The following VPS13C variants were observed in gnomAD, a reference collection of about 807,000 sequenced individuals.
VPS13C encodes the protein vacuolar protein sorting 13 homolog C.
VPS13C carries 358 observed loss-of-function variants against 456.8 expected under a neutral mutation model. That is an observed-to-expected ratio of 0.78 (90% CI 0.72 to 0.86). The LOEUF is 0.86. Among genes scored for constraint, VPS13C ranks in the 40% least tolerant of loss-of-function variants. VPS13C has a pLI of 0.00. For missense variants in VPS13C, 4,818 were observed against 4,385.4 expected (o/e 1.10, Z -2.79); for synonymous variants, 1,578 against 1,486.7 (o/e 1.06, Z -1.41).
intron 36 of VPS13C, 121 bp from the exon 37 acceptor site, chr15:61,958,837 TTACA>T (rs999789862): frequency 2.6e-5 from 13 of 506,326 alleles, no homozygotes; most frequent in Non-Finnish European, 4.0e-5. Context: ...CACTGAAAAG[TTACA>T]TACAATCACA....
chr15:62,007,698 G>T (rs914885795), intron 14 of VPS13C, among the ~76,000 whole-genome samples: 1 of 152,186 alleles, frequency 6.6e-6, no homozygotes, highest in Non-Finnish European at 1.5e-5. Context: ...AAATCCAAAA[G>T]GCACAAAACG....
Position 62,000,609 on chromosome 15 carries a change from TAG to T in VPS13C, c.1306_1307del (p.Leu436ArgfsTer4). The T allele has an allele frequency of 6.2e-7, 1 of 1,606,792 alleles. No individual in the cohort carries two copies. Among genetic ancestry groups the T allele is most frequent in the Non-Finnish European group, 8.5e-7 (1 of 1,177,770 alleles). On this transcript the variant is annotated frameshift_variant, in exon 16 of 85. Coordinates refer to ENST00000644861, the MANE Select transcript of VPS13C (RefSeq NM_020821.3). LOFTEE classifies it high-confidence loss of function. The part of the protein sequence containing the change: ...QKEIQDLEKT[L>X]DVFNIILARQ... Reference sequence around the variant, plus strand: ...TTGCTAAAATTATGTTAAAAACATCTAGAGTCTTCTCCAAGTCCTGTAAAAAA... The same window carrying T: ...TTGCTAAAATTATGTTAAAAACATCTAGTCTTCTCCAAGTCCTGTAAAAAA...
Position 61,867,575 on chromosome 15 carries a change from CAAT to C in VPS13C, c.10863+1081_10863+1083del. ...TGGACATAATAATTGTCCTGTTTTTCAATTTTACCTGAAATGCACATGAACACC... is the reference window on the plus strand; with the variant it reads ...TGGACATAATAATTGTCCTGTTTTTCTTTACCTGAAATGCACATGAACACC... On this transcript the variant is annotated intron_variant, in intron 81 of 84. Coordinates refer to ENST00000644861, the MANE Select transcript of VPS13C (RefSeq NM_020821.3). This position sits in a 1 kb window ranked among gnomAD's most constrained non-coding sequence, Gnocchi z 5.0. 9.8e-7 allele frequency: 1 copy of C among 1,024,686 alleles called. No homozygotes were observed. The highest frequency in any genetic ancestry group is 1.7e-5 in the African/African-American group (1 of 58,362). 63.5% of individuals were successfully genotyped at this position (1,024,686 alleles called of 1,614,324 possible). A position where few individuals can be genotyped will look rare whatever the true frequency, so the allele number is the denominator to read the frequency against.
chr15:62,009,266 A>G (rs2046959909), intron 13 of VPS13C, among the ~76,000 whole-genome samples: 1 of 152,128 alleles, frequency 6.6e-6, no homozygotes, highest in Non-Finnish European at 1.5e-5. Context: ...TTAAGCAGCC[A>G]TCTTACCATC....
chr15:61,913,262 G>T, intron 62 of VPS13C, 49 bp downstream of exon 62: 1 of 1,531,066 alleles, frequency 6.5e-7, no homozygotes, highest in Non-Finnish European at 9.0e-7. Context: ...TTGTTGAACT[G>T]TAGCAAAGGT....
chr15:61,854,640 C>T, intron 84 of VPS13C, 82 bp from the exon 85 acceptor site: 1 of 1,409,306 alleles, frequency 7.1e-7, no homozygotes, highest in Non-Finnish European at 1.0e-6. Context: ...AAAGCAAGGG[C>T]TGAAGCTCTC....
chr15:61,856,225 A>G (rs958728406), intron 83 of VPS13C, 61 bp downstream of exon 83: 2 of 1,584,584 alleles, frequency 1.3e-6, no homozygotes, highest in Non-Finnish European at 1.7e-6. Context: ...TGTGTAGTTA[A>G]CTGCAAAACA....
intron 82 of VPS13C, 93 bp from the exon 83 acceptor site, chr15:61,856,502 C>G (rs1596258872): frequency 2.1e-6 from 3 of 1,454,866 alleles, no homozygotes; most frequent in Admixed American, 2.2e-5. Flanking sequence ...AGAGGTAGCA[C>G]TTGCTTAGTA....
intron 15 of VPS13C, among the ~76,000 whole-genome samples, chr15:62,003,626 T>C (rs1321247408): frequency 6.6e-6 from 1 of 152,014 alleles, no homozygotes; most frequent in Non-Finnish European, 1.5e-5. Flanking sequence ...TTCCAGTTTT[T>C]GCCCATTCAC....
intron 67 of VPS13C, among the ~76,000 whole-genome samples, 174 bp from the exon 68 acceptor site, chr15:61,884,443 C>A (rs1896117215): frequency 6.6e-6 from 1 of 151,970 alleles, no homozygotes; most frequent in Non-Finnish European, 1.5e-5. Context: ...AGAAAAGAGG[C>A]AGGCAAGAAA....
intron 66 of VPS13C, among the ~76,000 whole-genome samples, chr15:61,891,608 A>G (rs1411923322): frequency 6.6e-6 from 1 of 152,196 alleles, no homozygotes; most frequent in African/African-American, 2.4e-5. Flanking sequence ...AAATATCCCC[A>G]GGTAATTGTG....
At chr15:61,923,401 A>G (rs558895840) in intron 53 of VPS13C, among the ~76,000 whole-genome samples, 5 of 152,210 alleles carry the variant, frequency 3.3e-5, no homozygotes, top group African/African-American at 1.2e-4. Flanking sequence ...GACATCTTCT[A>G]CGGCCAACGC....
intron 7 of VPS13C, 41 bp downstream of exon 7, chr15:62,023,739 G>C (rs1329940480): frequency 1.3e-6 from 2 of 1,518,372 alleles, no homozygotes; most frequent in Non-Finnish European, 1.8e-6. Context: ...AAGTGGCAAT[G>C]TGTATAAACA....
intron 25 of VPS13C, among the ~76,000 whole-genome samples, chr15:61,974,051 C>T (rs3743294): frequency 0.54 from 81,863 of 151,814 alleles, 22,292 homozygotes; most frequent in Admixed American, 0.62. Flanking sequence ...AACTTATAAG[C>T]CTAACATATA....
chr15:61,944,010 T>C (rs911239971), intron 45 of VPS13C, among the ~76,000 whole-genome samples: 1 of 150,300 alleles, frequency 6.7e-6, no homozygotes. Context: ...AAAGAAGACA[T>C]ACAAGGAGCC....
At chr15:61,981,210 C>A in intron 22 of VPS13C, 132 bp downstream of exon 22, 1 of 1,132,754 alleles carries the variant, frequency 8.8e-7, no homozygotes, top group Non-Finnish European at 1.2e-6. Context: ...CCAAGCAAGG[C>A]TTGAAACACA....
At chr15:62,033,184 A>G (rs1484259880) in intron 5 of VPS13C, among the ~76,000 whole-genome samples, 1 of 151,722 alleles carries the variant, frequency 6.6e-6, no homozygotes, top group East Asian at 1.9e-4. Context: ...AAGTCTTCCA[A>G]ACTAGCACAA....
chr15:61,969,697 G>C (rs1012616028), intron 27 of VPS13C, among the ~76,000 whole-genome samples: 2 of 152,006 alleles, frequency 1.3e-5, no homozygotes, highest in Non-Finnish European at 2.9e-5. Context: ...TTCTAATTTA[G>C]TAAAATAGGA....
intron 68 of VPS13C, 64 bp from the exon 69 acceptor site, chr15:61,882,800 A>T (rs899900107): frequency 7.0e-7 from 1 of 1,432,234 alleles, no homozygotes; most frequent in African/African-American, 1.4e-5. Context: ...TCCATTTTTA[A>T]TATCTGTTTA....
Sources: allele counts gnomAD v4.1 joint callset (sites outside exome capture counted in the v4.1 genomes callset), GRCh38; gene constraint gnomAD v4.1.1; non-coding constraint Gnocchi (gnomAD v3.1); transcripts MANE v1.5; gene names NCBI Gene and HGNC (gene_info 2026-07-23, HGNC 2026-07-21).